CD2AP: variants seen among roughly 807,000 people sequenced by gnomAD.
The protein encoded by CD2AP is CD2 associated protein.
CD2AP carries 46 observed loss-of-function variants against 85.1 expected under a neutral mutation model. The ratio of observed to expected loss-of-function variants is 0.54; its 90% confidence interval spans 0.43 to 0.69. The LOEUF (loss-of-function observed/expected upper bound fraction) is 0.69. Ranked by LOEUF, CD2AP falls within the 30% of genes least tolerant of loss-of-function variation. The probability of loss-of-function intolerance (pLI) is 0.00; values close to 1 mark genes in which losing one functional copy is unlikely to be tolerated. For missense variants in CD2AP, 769 were observed against 729.5 expected (o/e 1.05, Z -0.62); for synonymous variants, 255 against 252.9 (o/e 1.01, Z -0.08).
At chr6:47,536,777 A>G (rs17289226) in intron 3 of CD2AP, among the ~76,000 whole-genome samples, 5,154 of 152,348 alleles carry the variant, frequency 0.034, 150 homozygotes, top group Middle Eastern at 0.058. Context: ...AAGCAAAAAC[A>G]GGTTGCAAGT....
rs34425502 is a variant in CD2AP at position 47,540,014 on chromosome 6, C to CAA, written c.320-4582_320-4581dup. On this transcript the variant is annotated intron_variant, in intron 3 of 17. Transcript: ENST00000359314. Reference sequence around the variant, plus strand: ...AGCAACATGGCAAACCCCATCTCTACAAAAAAAAAAATACAAAAATTAGCC... The same window carrying CAA: ...AGCAACATGGCAAACCCCATCTCTACAAAAAAAAAAAAATACAAAAATTAGCC... Among the ~76,000 whole-genome samples, 837 of 144,076 alleles carry CAA rather than the reference C, an allele frequency of 5.8e-3. 7 individuals are homozygous for CAA. The highest frequency in any genetic ancestry group is 0.016 in the South Asian group (71 of 4,464). 94.5% of individuals were successfully genotyped at this position (144,076 alleles called of 152,430 possible).
intron 4 of CD2AP, among the ~76,000 whole-genome samples, chr6:47,552,610 G>C (rs1034414791): frequency 1.2e-4 from 18 of 152,110 alleles, no homozygotes; most frequent in Admixed American, 1.1e-3. Context: ...TTGTCATGCA[G>C]TCTATTTTTG....
chr6:47,518,090 G>A (rs1161390799), intron 2 of CD2AP, among the ~76,000 whole-genome samples: 1 of 152,078 alleles, frequency 6.6e-6, no homozygotes, highest in Non-Finnish European at 1.5e-5. Flanking sequence ...GTCTTTAAGT[G>A]TGTTTATATG....
chr6:47,509,321 T>A (rs1201852671), intron 2 of CD2AP, among the ~76,000 whole-genome samples: 1 of 152,018 alleles, frequency 6.6e-6, no homozygotes, highest in Non-Finnish European at 1.5e-5. Flanking sequence ...TGAAGAAGTT[T>A]GAAATATTGC....
intron 2 of CD2AP, among the ~76,000 whole-genome samples, chr6:47,520,769 A>G (rs1582508151): frequency 1.7e-5 from 2 of 114,706 alleles, no homozygotes; most frequent in Non-Finnish European, 1.6e-5. Context: ...GTGGTGTTTG[A>G]CTGTGGCACA....
intron 13 of CD2AP, among the ~76,000 whole-genome samples, chr6:47,602,028 C>T (rs926978846): frequency 1.3e-5 from 2 of 151,944 alleles, no homozygotes; most frequent in African/African-American, 4.8e-5. Flanking sequence ...TTCCTCCCTC[C>T]TCCATTGTTT....
At chr6:47,552,626 T>A (rs1379280719) in intron 4 of CD2AP, among the ~76,000 whole-genome samples, 2 of 152,138 alleles carry the variant, frequency 1.3e-5, no homozygotes, top group African/African-American at 2.4e-5. Context: ...TTTTGTGTAT[T>A]TTTTTACCAC....
At chr6:47,611,552 A>G (rs1769441442) in intron 16 of CD2AP, among the ~76,000 whole-genome samples, 1 of 151,928 alleles carries the variant, frequency 6.6e-6, no homozygotes, top group African/African-American at 2.4e-5. Context: ...GTTTTGAAAC[A>G]TTATATAAAT....
intron 1 of CD2AP, among the ~76,000 whole-genome samples, chr6:47,491,266 TGTGTATGTG>T (rs1765725310): frequency 9.9e-6 from 1 of 100,886 alleles, no homozygotes; most frequent in Non-Finnish European, 2.1e-5. Context: ...GATATGTGTG[TGTGTATGTG>T]TGTGTGTGTG....
At chr6:47,490,532 T>C (rs921614006) in intron 1 of CD2AP, among the ~76,000 whole-genome samples, 3 of 152,178 alleles carry the variant, frequency 2.0e-5, no homozygotes, top group Non-Finnish European at 2.9e-5. Context: ...TCTTTAGATT[T>C]TTGTATGTTT....
intron 1 of CD2AP, among the ~76,000 whole-genome samples, chr6:47,479,610 T>C (rs1297876098): frequency 6.6e-6 from 1 of 152,216 alleles, no homozygotes; most frequent in African/African-American, 2.4e-5. Flanking sequence ...GTGGGCATAT[T>C]CTTTTAAGTA....
chr6:47,610,076 A>T (rs1769388874), intron 16 of CD2AP, among the ~76,000 whole-genome samples: 1 of 152,126 alleles, frequency 6.6e-6, no homozygotes. Context: ...ATGTTGAGAG[A>T]TACCCTAGTT....
chr6:47,540,187 A>AG (rs935808141), intron 3 of CD2AP, among the ~76,000 whole-genome samples: 6 of 151,418 alleles, frequency 4.0e-5, no homozygotes, highest in African/African-American at 1.2e-4. Flanking sequence ...AAAAAAAAAA[A>AG]AAAAAAGAAA....
intron 1 of CD2AP, among the ~76,000 whole-genome samples, chr6:47,484,254 AT>A (rs1765512887): frequency 6.6e-6 from 1 of 152,030 alleles, no homozygotes; most frequent in African/African-American, 2.4e-5. Context: ...TGCTGTACTC[AT>A]TTTTGAATCA....
At position 47,615,161 on chromosome 6, in the gene CD2AP, G is replaced by T. The variant is rs531589879; in HGVS notation, c.1878+2625G>T. 2.0e-5 allele frequency among the ~76,000 whole-genome samples: 3 copies of T among 152,214 alleles called. 1 individual carries two copies. The South Asian group carries it at 6.2e-4, about 32-fold the overall frequency. On this transcript the variant is annotated intron_variant, in intron 17 of 17. Transcript: ENST00000359314. ...AAGAGAGAATTGGGGACTTGCAGTT[G>T]GAAAACCTTGGCTCTTATCCTGAGA... is the stretch of plus-strand genomic sequence containing the variant.
intron 11 of CD2AP, among the ~76,000 whole-genome samples, chr6:47,589,304 C>T (rs1328214976): frequency 1.4e-5 from 2 of 147,602 alleles, no homozygotes; most frequent in African/African-American, 2.5e-5. Context: ...GATTGCTTAG[C>T]GTAAGAATGC....
At chr6:47,593,071 C>A (rs569215032) in intron 11 of CD2AP, among the ~76,000 whole-genome samples, 1 of 152,122 alleles carries the variant, frequency 6.6e-6, no homozygotes, top group Non-Finnish European at 1.5e-5. Flanking sequence ...CCCAGAAAGA[C>A]AGTGTCAGAA....
At chr6:47,503,582 C>T in intron 2 of CD2AP, 142 bp downstream of exon 2, 1 of 740,956 alleles carries the variant, frequency 1.3e-6, no homozygotes, top group South Asian at 1.7e-5. Context: ...GTCCAGGTAC[C>T]TCTATAATGG....
chr6:47,589,379 T>TATACACACACACACAC lies in CD2AP; in HGVS notation c.1109-6481_1109-6480insTACACACACACACACA, dbSNP rs144886557. On this transcript the variant is annotated intron_variant, in intron 11 of 17. Transcript: ENST00000359314. ...TTTGATGACCAGGAACTCTTGAATA[T>TATACACACACACACAC]ACACACACACACACAAATGTATATA... 1.5e-4 allele frequency among the ~76,000 whole-genome samples: 21 copies of TATACACACACACACAC among 139,432 alleles called. No individual in the cohort carries two copies. In the South Asian group the frequency reaches 2.1e-3, roughly 14 times the overall value. The allele number at this position is 139,432 out of a possible 152,430, so 91.5% of individuals were successfully genotyped here. A position where few individuals can be genotyped will look rare whatever the true frequency, so the allele number is the denominator to read the frequency against.
Sources: gnomAD v4.1 joint callset for allele counts (sites outside exome capture counted in the v4.1 genomes callset) on GRCh38, gnomAD v4.1.1 for gene constraint, MANE v1.5 for transcripts, NCBI Gene and HGNC (gene_info 2026-07-23, HGNC 2026-07-21) for gene names.